Variants in TRAPPC3L observed in about 807,000 individuals in gnomAD.
The protein encoded by TRAPPC3L is trafficking protein particle complex subunit 3L, also known as trafficking protein particle complex subunit 3-like protein.
In TRAPPC3L, 23 loss-of-function variants were observed where a neutral mutation model predicts 23.7. The observed-to-expected ratio is 0.97, with a 90% confidence interval of 0.70 to 1.37. TRAPPC3L has a LOEUF of 1.37. Among genes scored for constraint, TRAPPC3L ranks in the 40% most tolerant of loss-of-function variants. The probability of loss-of-function intolerance (pLI) is 0.00; values close to 1 mark genes in which losing one functional copy is unlikely to be tolerated. For synonymous variants in TRAPPC3L, 81 were observed against 77.9 expected, an observed-to-expected ratio of 1.04 and a Z score of -0.21; for missense variants, 212 against 216.8, an observed-to-expected ratio of 0.98 and a Z score of 0.14.
Position 116,500,382 on chromosome 6 carries a change from AAT to A in TRAPPC3L, c.426+97_426+98del, listed in dbSNP as rs1455084865. 7 of 1,129,964 alleles carry A rather than the reference AAT, an allele frequency of 6.2e-6. No homozygotes were observed. The East Asian group carries it at 1.6e-4, about 25-fold the overall frequency. 70.0% of individuals were successfully genotyped at this position (1,129,964 alleles called of 1,614,324 possible). ...ATTTGTAACACACCATTAGATAACC[AAT>A]ATACCCAGCAAAATGAATTATGTAT... On this transcript the variant is annotated intron_variant, in intron 4 of 4. Transcript: ENST00000368602.
At chr6:116,539,186 G>C (rs149568080) in intron 3 of TRAPPC3L, among the ~76,000 whole-genome samples, 1 of 152,136 alleles carries the variant, frequency 6.6e-6, no homozygotes, top group Non-Finnish European at 1.5e-5. Context: ...TATTCTTGTA[G>C]TATTGCCTAT....
intron 1 of TRAPPC3L, among the ~76,000 whole-genome samples, chr6:116,544,545 A>G (rs1773658271): frequency 6.6e-6 from 1 of 152,202 alleles, no homozygotes; most frequent in African/African-American, 2.4e-5. Context: ...CAATAAAAAT[A>G]ATCATATGAA....
intron 3 of TRAPPC3L, chr6:116,521,173 C>T (rs1772331912): frequency 1.3e-5 from 2 of 151,330 alleles, no homozygotes; most frequent in African/African-American, 4.9e-5. Flanking sequence ...TTATATATAA[C>T]AAAACATGAC....
At chr6:116,514,981 T>C (rs1397321356) in intron 3 of TRAPPC3L, among the ~76,000 whole-genome samples, 1 of 152,226 alleles carries the variant, frequency 6.6e-6, no homozygotes, top group African/African-American at 2.4e-5. Context: ...GGAGAAAAGC[T>C]GAACCATTTC....
chr6:116,504,364 G>A (rs1046019897), intron 3 of TRAPPC3L, among the ~76,000 whole-genome samples: 2 of 152,134 alleles, frequency 1.3e-5, no homozygotes, highest in African/African-American at 4.8e-5. Flanking sequence ...ACTAATAACA[G>A]GTTCTGAAAT....
rs200089126 is a variant in TRAPPC3L at position 116,515,832 on chromosome 6, C to T, written c.241-15166G>A. 555 of 1,613,956 alleles carry T rather than the reference C, an allele frequency of 3.4e-4. No homozygotes were observed. The highest frequency in any genetic ancestry group is 1.3e-3 in the Middle Eastern group (8 of 6,060). Reference sequence around the variant, plus strand: ...AGGCCAGATCCTTTTCCCATGCCTACGTTTGCTGCCTGGGAGGCTGCTTCA... The same window carrying T: ...AGGCCAGATCCTTTTCCCATGCCTATGTTTGCTGCCTGGGAGGCTGCTTCA... On this transcript the variant is annotated intron_variant, in intron 3 of 4. Transcript: ENST00000368602.
At chr6:116,530,026 G>A (rs1772601133) in intron 3 of TRAPPC3L, among the ~76,000 whole-genome samples, 1 of 152,300 alleles carries the variant, frequency 6.6e-6, no homozygotes, top group South Asian at 2.1e-4. Context: ...TATGATGGCA[G>A]CAAAATTCAA....
chr6:116,520,612 C>A (rs1031305966), intron 3 of TRAPPC3L: 1 of 152,240 alleles, frequency 6.6e-6, no homozygotes, highest in South Asian at 2.1e-4. Flanking sequence ...TTCCTGAGAA[C>A]CTGATGTAAC....
intron 3 of TRAPPC3L, among the ~76,000 whole-genome samples, chr6:116,533,915 T>C (rs1278493950): frequency 6.6e-6 from 1 of 152,192 alleles, no homozygotes; most frequent in African/African-American, 2.4e-5. Flanking sequence ...GTGAGTTTCC[T>C]GATTGCAAGG....
rs1275477396 is a variant in TRAPPC3L at position 116,496,954 on chromosome 6, T to G, written c.546A>C (p.Ter182CysextTer11). 6.5e-7 allele frequency: 1 copy of G among 1,544,186 alleles called. No individual in the cohort carries two copies. The highest frequency in any genetic ancestry group is 2.5e-5 in the East Asian group (1 of 40,814). ...CCCGTGGCATTTTCCGTGCTAGTCT[T>G]CATTTTTTCCCTCTATATTTTTTCT... ...RDEKKYRGKK* is the reference protein window; with the variant it reads ...RDEKKYRGKKC The change falls in exon 5 of 5, where the codon TGA becomes TGC. Residue 182 changes from the stop codon to cysteine, a stop_lost. Coordinates refer to ENST00000368602, the MANE Select transcript of TRAPPC3L (RefSeq NM_001139444.3).
intron 3 of TRAPPC3L, chr6:116,515,660 G>A: frequency 6.2e-7 from 1 of 1,614,004 alleles, no homozygotes. Flanking sequence ...CACATGTTAT[G>A]CTCGCTGCCG....
At chr6:116,504,855 A>T (rs1260568594) in intron 3 of TRAPPC3L, among the ~76,000 whole-genome samples, 2 of 152,248 alleles carry the variant, frequency 1.3e-5, no homozygotes, top group African/African-American at 4.8e-5. Flanking sequence ...CTAGGTATTG[A>T]TGGAATGTAT....
intron 3 of TRAPPC3L, among the ~76,000 whole-genome samples, chr6:116,539,387 A>C (rs1202561187): frequency 6.6e-6 from 1 of 152,192 alleles, no homozygotes; most frequent in Non-Finnish European, 1.5e-5. Context: ...GCCATGAAAT[A>C]ATACCAGTAA....
rs1771838980 is a variant in TRAPPC3L at position 116,496,791 on chromosome 6, A to G, written c.*163T>C. ...AAATGCGTGATTTATAAGCAAAAGG[A>G]AAAAAAAACCTTTAAGCCTTCATGC... On this transcript the variant is annotated 3_prime_UTR_variant, in exon 5 of 5. Transcript: ENST00000368602. The G allele has an allele frequency of 8.1e-6, 8 of 983,184 alleles. No individual in the cohort carries two copies. Among genetic ancestry groups the G allele is most frequent in the East Asian group, 3.4e-5 (1 of 29,614 alleles). The allele number at this position is 983,184 out of a possible 1,614,324, so 60.9% of individuals were successfully genotyped here. A position where few individuals can be genotyped will look rare whatever the true frequency, so the allele number is the denominator to read the frequency against.
chr6:116,496,698 T>G lies in TRAPPC3L; in HGVS notation c.*256A>C. 1 of 371,386 alleles carries G rather than the reference T, an allele frequency of 2.7e-6. No individual in the cohort carries two copies. The allele number at this position is 371,386 out of a possible 1,614,324, so 23.0% of individuals were successfully genotyped here. ...TTCTCTGAGGATGGATAGTGTAAGATGTGGAATTCCTGCCTGCTATCTTGT... is the reference window on the plus strand; with the variant it reads ...TTCTCTGAGGATGGATAGTGTAAGAGGTGGAATTCCTGCCTGCTATCTTGT... On this transcript the variant is annotated 3_prime_UTR_variant, in exon 5 of 5. Transcript: ENST00000368602.
chr6:116,532,978 A>G (rs1772834128), intron 3 of TRAPPC3L, among the ~76,000 whole-genome samples: 1 of 152,252 alleles, frequency 6.6e-6, no homozygotes, highest in Admixed American at 6.5e-5. Context: ...ACATTTCAGA[A>G]CGTCAACTTG....
Position 116,496,656 on chromosome 6 carries a change from T to C in TRAPPC3L, c.*298A>G, listed in dbSNP as rs188929422. ...TGCTTTTTTTTCCCATTACCATACG[T>C]GAATGGAATGAACAGCTTCTCTGAG... On this transcript the variant is annotated 3_prime_UTR_variant, in exon 5 of 5. Coordinates refer to ENST00000368602, the MANE Select transcript of TRAPPC3L (RefSeq NM_001139444.3). The C allele has an allele frequency of 1.1e-3, 281 of 258,290 alleles. 1 individual carries two copies. The highest frequency in any genetic ancestry group is 4.1e-3 in the African/African-American group (180 of 44,040). The allele number at this position is 258,290 out of a possible 1,614,324, so 16.0% of individuals were successfully genotyped here.
intron 2 of TRAPPC3L, among the ~76,000 whole-genome samples, chr6:116,542,092 C>A (rs1219372708): frequency 1.3e-5 from 2 of 152,064 alleles, no homozygotes; most frequent in East Asian, 1.9e-4. Context: ...CAAAACAATG[C>A]AAGTTTAACA....
chr6:116,495,717 G>A lies in TRAPPC3L; in HGVS notation c.*1237C>T, dbSNP rs1771824430. ...TGGATAAAAGCCATTTTTAACTAGG[G>A]TGAGATAATATCTCATTATAGTTTT... On this transcript the variant is annotated 3_prime_UTR_variant, in exon 5 of 5. Transcript: ENST00000368602. 6.6e-6 allele frequency: 1 copy of A among 152,110 alleles called. No individual in the cohort carries two copies. Among genetic ancestry groups the A allele is most frequent in the Non-Finnish European group, 1.5e-5 (1 of 68,020 alleles). The allele number at this position is 152,110 out of a possible 1,614,324, so 9.4% of individuals were successfully genotyped here. A position where few individuals can be genotyped will look rare whatever the true frequency, so the allele number is the denominator to read the frequency against.
Sources: gnomAD v4.1 joint callset for allele counts (sites outside exome capture counted in the v4.1 genomes callset) on GRCh38, gnomAD v4.1.1 for gene constraint, MANE v1.5 for transcripts, NCBI Gene and HGNC (gene_info 2026-07-23, HGNC 2026-07-21) for gene names.